Variants in ACOX3 observed in about 807,000 individuals in gnomAD.
ACOX3 encodes peroxisomal acyl-coenzyme A oxidase 3.
A neutral mutation model predicts 81.5 loss-of-function variants in ACOX3; 73 were observed. That is an observed-to-expected ratio of 0.90 (90% CI 0.74 to 1.09). The LOEUF (loss-of-function observed/expected upper bound fraction) is 1.09. Ranked by LOEUF, ACOX3 falls within the 50% of genes least tolerant of loss-of-function variation. The pLI, the probability that ACOX3 is intolerant of heterozygous loss-of-function variation, is 0.00. For missense variants in ACOX3, 947 were observed against 928.0 expected, an observed-to-expected ratio of 1.02 and a Z score of -0.27; for synonymous variants, 387 against 375.1, an observed-to-expected ratio of 1.03 and a Z score of -0.37.
At chr4:8,439,982 G>A (rs1398143151) in intron 1 of ACOX3, among the ~76,000 whole-genome samples, 1 of 152,124 alleles carries the variant, frequency 6.6e-6, no homozygotes, top group Non-Finnish European at 1.5e-5. Context: ...GCACCACCAC[G>A]TGGCCCTAGG....
chr4:8,375,252 TCC>T, intron 14 of ACOX3, 100 bp from the exon 15 acceptor site: 8 of 1,197,290 alleles, frequency 6.7e-6, no homozygotes, highest in Non-Finnish European at 8.1e-6. Context: ...GGGTCTGCGT[TCC>T]CGTGCATGTC....
intron 1 of ACOX3, among the ~76,000 whole-genome samples, chr4:8,439,912 A>G (rs1361701258): frequency 1.3e-5 from 2 of 148,304 alleles, no homozygotes; most frequent in Admixed American, 6.8e-5. Context: ...ACAGGAGGAA[A>G]AGAGAGAAAG....
In ACOX3 at chr4:8,422,276, A is replaced by T. The variant is rs1449379778; in HGVS notation, c.-14-5741T>A. 5.3e-5 allele frequency among the ~76,000 whole-genome samples: 8 copies of T among 152,324 alleles called. 1 individual carries two copies. The highest frequency in any genetic ancestry group is 1.9e-4 in the African/African-American group (8 of 41,574). On this transcript the variant is annotated intron_variant, in intron 1 of 17. Coordinates refer to ENST00000356406, the MANE Select transcript of ACOX3 (RefSeq NM_003501.3). ...AGAGAGATATATAAGTAGTTAAGAA[A>T]AAAACAGTGTACCCTATTCCTTTAA...
the ACOX3 span, chr4:8,356,393 A>AGT: frequency 2.0e-4 from 79 of 391,396 alleles, no homozygotes; most frequent in South Asian, 1.5e-3. Context: ...ACGCACAGTG[A>AGT]TGCATGTGCA....
intron 15 of ACOX3, 107 bp from the exon 16 acceptor site, chr4:8,373,735 T>C: frequency 9.9e-7 from 1 of 1,010,332 alleles, no homozygotes; most frequent in South Asian, 1.4e-5. Flanking sequence ...AGGAGGCCTG[T>C]TTTGGGTGAA....
chr4:8,413,093 C>T (rs1344073610), intron 5 of ACOX3, among the ~76,000 whole-genome samples: 1 of 144,922 alleles, frequency 6.9e-6, no homozygotes, highest in African/African-American at 2.6e-5. Flanking sequence ...ACTGACAGCC[C>T]CAGGGCATCC....
At chr4:8,411,897 TAAATGCTCA>T (rs908146183) in intron 5 of ACOX3, among the ~76,000 whole-genome samples, 3 of 152,174 alleles carry the variant, frequency 2.0e-5, no homozygotes, top group Non-Finnish European at 4.4e-5. Context: ...GCTGTCCAAA[TAAATGCTCA>T]GCCAGCAGCC....
At position 8,389,165 on chromosome 4, in the gene ACOX3, G is replaced by A. The variant is rs905444308; in HGVS notation, c.1537+8C>T. The A allele has an allele frequency of 2.5e-6, 4 of 1,611,636 alleles. No homozygotes were observed. Among genetic ancestry groups the A allele is most frequent in the Middle Eastern group, 3.3e-4 (2 of 6,080 alleles). On this transcript the variant is annotated splice_region_variant and intron_variant, in intron 13 of 17. Transcript: ENST00000356406. This position sits in a 1 kb window ranked among gnomAD's most constrained non-coding sequence, Gnocchi z 5.3. ...GAGGCCAGGGGAGCCCTCCACCTGT[G>A]TGTTTACCTGCAGAGTCCAAGCAGT...
At position 8,381,386 on chromosome 4, in the gene ACOX3, G is replaced by A. The variant is rs1215653759; in HGVS notation, c.1653+106C>T. 1.6e-5 allele frequency: 16 copies of A among 982,544 alleles called. No individual in the cohort carries two copies. The highest frequency in any genetic ancestry group is 3.0e-4 in the Middle Eastern group (1 of 3,368). 60.9% of individuals were successfully genotyped at this position (982,544 alleles called of 1,614,324 possible). ...CATCTGCCCAAGGTCACGGGAGCTC[G>A]GGGTCTGGGGCCTGAATTGCCAGGA... is the stretch of plus-strand genomic sequence containing the variant. On this transcript the variant is annotated intron_variant, in intron 14 of 17. Transcript: ENST00000356406. This position sits in a 1 kb window ranked among gnomAD's most constrained non-coding sequence, Gnocchi z 4.3.
intron 6 of ACOX3, 73 bp downstream of exon 6, chr4:8,410,139 A>C: frequency 6.5e-7 from 1 of 1,534,116 alleles, no homozygotes; most frequent in Non-Finnish European, 8.8e-7. Context: ...TTATGACAAA[A>C]ATGACTCCAG....
intron 10 of ACOX3, chr4:8,393,174 G>C (rs1719220829): frequency 1.3e-5 from 2 of 151,078 alleles, no homozygotes; most frequent in Non-Finnish European, 2.9e-5. Context: ...GCTTCTGCTT[G>C]ATATCTAATG....
rs1722157206 is a variant in ACOX3, at chr4:8,414,955, CAG to C, written c.379-29_379-28del. On this transcript the variant is annotated intron_variant, in intron 3 of 17. Transcript: ENST00000356406. This position sits in a 1 kb window ranked among gnomAD's most constrained non-coding sequence, Gnocchi z 6.1. ...TGAAAGTATAACATCGTCCTATCAACAGGGGGCAGGTAAGAAGAGTACTGCTC... is the reference window on the plus strand; with the variant it reads ...TGAAAGTATAACATCGTCCTATCAACGGGGCAGGTAAGAAGAGTACTGCTC... 3.1e-6 allele frequency: 5 copies of C among 1,608,172 alleles called. No individual in the cohort carries two copies. The highest frequency in any genetic ancestry group is 4.3e-6 in the Non-Finnish European group (5 of 1,174,716).
rs946664223 is a variant in ACOX3, at chr4:8,432,233, C to A, written c.-15+8415G>T. Among the ~76,000 whole-genome samples, 6 of 152,104 alleles carry A rather than the reference C, an allele frequency of 3.9e-5. No homozygotes were observed. Among genetic ancestry groups the A allele is most frequent in the African/African-American group, 1.4e-4 (6 of 41,396 alleles). ...CTATGGCAAATGTTACTGGCTTGAGCCAATGAATTTTTTTTTTCGAGATGG... is the reference window on the plus strand; with the variant it reads ...CTATGGCAAATGTTACTGGCTTGAGACAATGAATTTTTTTTTTCGAGATGG... On this transcript the variant is annotated intron_variant, in intron 1 of 17. Transcript: ENST00000356406. The surrounding 1 kb of genome is among the most constrained non-coding windows in gnomAD (Gnocchi z 6.2).
chr4:8,414,786 T>C lies in ACOX3; in HGVS notation c.453+68A>G, dbSNP rs377473506. 5.9e-6 allele frequency: 9 copies of C among 1,528,650 alleles called. No individual in the cohort carries two copies. The East Asian group carries it at 1.6e-4, about 27-fold the overall frequency. The allele number at this position is 1,528,650 out of a possible 1,614,324, so 94.7% of individuals were successfully genotyped here. ...GGCACCCCCTTCTACAATCTTCTCT[T>C]TTCACAAATCTCTACAGAGATCAAG... On this transcript the variant is annotated intron_variant, in intron 4 of 17. Coordinates refer to ENST00000356406, the MANE Select transcript of ACOX3 (RefSeq NM_003501.3). The surrounding 1 kb of genome is among the most constrained non-coding windows in gnomAD (Gnocchi z 6.1).
intron 6 of ACOX3, among the ~76,000 whole-genome samples, chr4:8,409,039 C>A (rs74703479): frequency 0.055 from 8,384 of 152,148 alleles, 391 homozygotes; most frequent in African/African-American, 0.13. Flanking sequence ...CATCTAATGT[C>A]AGAAGCGTTG....
chr4:8,371,436 C>T (rs1007006037), intron 16 of ACOX3, among the ~76,000 whole-genome samples: 3 of 152,158 alleles, frequency 2.0e-5, no homozygotes, highest in African/African-American at 4.8e-5. Flanking sequence ...CCTCGGTTGG[C>T]GGTGGTTTTA....
rs1207541988 is a variant in ACOX3, at chr4:8,437,087, G to A, written c.-15+3561C>T. On this transcript the variant is annotated intron_variant, in intron 1 of 17. Transcript: ENST00000356406. This position sits in a 1 kb window ranked among gnomAD's most constrained non-coding sequence, Gnocchi z 5.2. Reference sequence around the variant, plus strand: ...TGTAAATATATAGAAATATATACACGTAAATATATATATTTACATATATAT... The same window carrying A: ...TGTAAATATATAGAAATATATACACATAAATATATATATTTACATATATAT... Among the ~76,000 whole-genome samples the A allele has an allele frequency of 1.5e-5, 2 of 129,302 alleles. No individual in the cohort carries two copies. Among genetic ancestry groups the A allele is most frequent in the South Asian group, 2.5e-4 (1 of 3,952 alleles). The allele number at this position is 129,302 out of a possible 152,430, so 84.8% of individuals were successfully genotyped here. A position where few individuals can be genotyped will look rare whatever the true frequency, so the allele number is the denominator to read the frequency against.
intron 11 of ACOX3, among the ~76,000 whole-genome samples, chr4:8,391,528 C>T (rs1056085772): frequency 1.3e-5 from 2 of 152,180 alleles, no homozygotes; most frequent in Non-Finnish European, 2.9e-5. Context: ...AAGATTAGCA[C>T]ACGGGAAGTT....
At chr4:8,408,347 A>G (rs1052862473) in intron 6 of ACOX3, among the ~76,000 whole-genome samples, 2 of 152,020 alleles carry the variant, frequency 1.3e-5, no homozygotes, top group Non-Finnish European at 2.9e-5. Flanking sequence ...GCAGATCACA[A>G]TCCTGTCCAA....
Sources: gnomAD v4.1 joint callset for allele counts (sites outside exome capture counted in the v4.1 genomes callset) on GRCh38, gnomAD v4.1.1 for gene constraint, Gnocchi (gnomAD v3.1) non-coding constraint, MANE v1.5 for transcripts, NCBI Gene and HGNC (gene_info 2026-07-23, HGNC 2026-07-21) for gene names.